PRDM16: variants seen among roughly 807,000 people sequenced by gnomAD.
PRDM16 encodes PR/SET domain 16, also known as histone-lysine N-methyltransferase PRDM16.
Under a neutral mutation model 110.6 loss-of-function variants are expected in PRDM16, and 23 were observed. The ratio of observed to expected loss-of-function variants is 0.21; its 90% CI spans 0.15 to 0.29. The LOEUF (loss-of-function observed/expected upper bound fraction) is 0.29, where lower values mean the gene tolerates loss of function less well. Ranked by LOEUF, PRDM16 falls within the 10% of genes least tolerant of loss-of-function variation. PRDM16 has a pLI of 1.00. For synonymous variants in PRDM16, 799 were observed against 781.8 expected (o/e 1.02, Z -0.37); for missense variants, 1,615 against 1,794.3 (o/e 0.90, Z 1.81).
intron 3 of PRDM16, among the ~76,000 whole-genome samples, chr1:3,379,276 A>C (rs1569619269): frequency 3.5e-5 from 1 of 28,952 alleles, no homozygotes; most frequent in Non-Finnish European, 6.7e-5. Flanking sequence ...CTCCCAACAC[A>C]CCCCTCCCAA....
chr1:3,429,996 G>A (rs757924049), intron 14 of PRDM16, among the ~76,000 whole-genome samples: 106 of 152,330 alleles, frequency 7.0e-4, no homozygotes, highest in Middle Eastern at 6.8e-3. Flanking sequence ...GTGAGGACAA[G>A]GAAGAGTGGC....
intron 2 of PRDM16, among the ~76,000 whole-genome samples, chr1:3,218,483 CACA>C (rs1435431026): frequency 6.6e-6 from 1 of 152,256 alleles, no homozygotes; most frequent in African/African-American, 2.4e-5. Flanking sequence ...CACTCCAAGG[CACA>C]CATACGCACA....
chr1:3,231,399 G>C (rs1639407226), intron 2 of PRDM16, among the ~76,000 whole-genome samples: 1 of 150,532 alleles, frequency 6.6e-6, no homozygotes, highest in African/African-American at 2.5e-5. Flanking sequence ...CAGCGGTCAA[G>C]GCCGTCTCCC....
At position 3,412,096 on chromosome 1, in the gene PRDM16, T is replaced by TGACAAG. The variant is rs772557308; in HGVS notation, c.1907_1912dup (p.Asp636_Lys637dup). On this transcript the variant is annotated inframe_insertion, in exon 9 of 17. Transcript: ENST00000270722. ...TGGACAGCGACGTGGACAGCGACCC[T>TGACAAG]GACAAGGACAAGGGCAAGGGCAAGT... The TGACAAG allele has an allele frequency of 1.3e-6, 2 of 1,586,012 alleles. No homozygotes were observed. The highest frequency in any genetic ancestry group is 1.3e-5 in the African/African-American group (1 of 74,086).
At chr1:3,181,854 A>ACACACGCGGTCTTG (rs1644210437) in intron 1 of PRDM16, among the ~76,000 whole-genome samples, 1 of 96,536 alleles carries the variant, frequency 1.0e-5, no homozygotes, top group Non-Finnish European at 2.4e-5. Context: ...ACACGGTCTT[A>ACACACGCGGTCTTG]CACACGCAGT....
intron 4 of PRDM16, among the ~76,000 whole-genome samples, chr1:3,388,149 T>C (rs1218716198): frequency 6.6e-6 from 1 of 152,262 alleles, no homozygotes; most frequent in African/African-American, 2.4e-5. Context: ...AAACATCACA[T>C]GATACTAATG....
chr1:3,320,247 A>T (rs1419985219), intron 3 of PRDM16, among the ~76,000 whole-genome samples: 1 of 152,230 alleles, frequency 6.6e-6, no homozygotes, highest in Non-Finnish European at 1.5e-5. Context: ...TGAAGGACCA[A>T]ACCCTACAGG....
At chr1:3,403,912 G>A (rs6657675) in intron 6 of PRDM16, among the ~76,000 whole-genome samples, 17,491 of 152,226 alleles carry the variant, frequency 0.11, 1,206 homozygotes, top group Middle Eastern at 0.23. Context: ...CCCTCCACCC[G>A]GAACAGATGA....
chr1:3,134,237 G>T (rs1199898371), intron 1 of PRDM16, among the ~76,000 whole-genome samples: 1 of 152,206 alleles, frequency 6.6e-6, no homozygotes, highest in East Asian at 1.9e-4. Context: ...AGAGGGGATT[G>T]TGTGGAGCTG....
At chr1:3,092,592 C>T (rs115020095) in intron 1 of PRDM16, among the ~76,000 whole-genome samples, 1,898 of 152,352 alleles carry the variant, frequency 0.012, 41 homozygotes, top group African/African-American at 0.043. Flanking sequence ...GAGTGGGAGG[C>T]ACACACTGCA....
chr1:3,364,551 G>A (rs765421064), intron 3 of PRDM16, among the ~76,000 whole-genome samples: 16 of 152,096 alleles, frequency 1.1e-4, no homozygotes, highest in Non-Finnish European at 2.1e-4. Context: ...GATTCCCACC[G>A]CTCAGCCCCT....
chr1:3,181,928 T>C (rs913600256), intron 1 of PRDM16, among the ~76,000 whole-genome samples: 44 of 151,290 alleles, frequency 2.9e-4, no homozygotes, highest in African/African-American at 9.9e-4. Context: ...TTACACATGG[T>C]CTTACACATG....
chr1:3,241,637 G>A (rs1307975459), intron 2 of PRDM16, among the ~76,000 whole-genome samples: 1 of 152,260 alleles, frequency 6.6e-6, no homozygotes, highest in Non-Finnish European at 1.5e-5. Flanking sequence ...GCCCACGCAC[G>A]GACCAAGCCC....
chr1:3,426,187 T>G lies in PRDM16; in HGVS notation c.3246T>G (p.Asn1082Lys). 2 of 1,613,646 alleles carry G rather than the reference T, an allele frequency of 1.2e-6. No homozygotes were observed. The highest frequency in any genetic ancestry group is 1.7e-6 in the Non-Finnish European group (2 of 1,179,854). ...CGGAAATCAGAAACTTTATTGCCAA[T>G]AGTGAGATGAACCAAGCATCAACGC... ...YFSEIRNFIA[N>K]SEMNQASTRT... The change falls in exon 14 of 17, where the codon AAT becomes AAG. Residue 1082 changes from asparagine (N) to lysine (K), a missense_variant. Transcript: ENST00000270722.
At chr1:3,129,031 C>T (rs1001713487) in intron 1 of PRDM16, among the ~76,000 whole-genome samples, 1 of 152,150 alleles carries the variant, frequency 6.6e-6, no homozygotes, top group African/African-American at 2.4e-5. Context: ...TAGCAGGAAA[C>T]CAGGAGGGAG....
rs1409267181 is a variant in PRDM16, at chr1:3,148,527, A to G, written c.38-37598A>G. Among the ~76,000 whole-genome samples, 2 of 152,124 alleles carry G rather than the reference A, an allele frequency of 1.3e-5. No individual in the cohort carries two copies. The highest frequency in any genetic ancestry group is 3.9e-4 in the East Asian group (2 of 5,182). On this transcript the variant is annotated intron_variant, in intron 1 of 16. Transcript: ENST00000270722. This position sits in a 1 kb window ranked among gnomAD's most constrained non-coding sequence, Gnocchi z 5.0. ...TGCTTCTGAGGGGGCAGCTCCCCAT[A>G]GTGGTGGCCCAGCCCTGGGGAGCAG...
intron 1 of PRDM16, among the ~76,000 whole-genome samples, chr1:3,139,167 G>A (rs905844259): frequency 3.9e-5 from 6 of 152,190 alleles, no homozygotes; most frequent in African/African-American, 1.4e-4. Flanking sequence ...AGAGCGGACG[G>A]TTGCTTCATC....
intron 1 of PRDM16, among the ~76,000 whole-genome samples, chr1:3,144,701 G>A (rs1643612908): frequency 6.6e-6 from 1 of 152,230 alleles, no homozygotes; most frequent in Non-Finnish European, 1.5e-5. Flanking sequence ...CTACAGATGG[G>A]CTATGCACCC....
At chr1:3,180,119 C>T (rs1472291056) in intron 1 of PRDM16, among the ~76,000 whole-genome samples, 1 of 152,096 alleles carries the variant, frequency 6.6e-6, no homozygotes, top group Non-Finnish European at 1.5e-5. Flanking sequence ...TCAGGTTGAT[C>T]AGAAGCACCT....
Sources: gnomAD v4.1 joint callset for allele counts (sites outside exome capture counted in the v4.1 genomes callset) on GRCh38, gnomAD v4.1.1 for gene constraint, Gnocchi (gnomAD v3.1) non-coding constraint, MANE v1.5 for transcripts, NCBI Gene and HGNC (gene_info 2026-07-23, HGNC 2026-07-21) for gene names.